The following SHISA9 variants were observed in gnomAD, a reference collection of about 807,000 sequenced individuals.
SHISA9 encodes shisa family member 9.
SHISA9 carries 13 observed loss-of-function variants against 38.0 expected under a neutral mutation model. The ratio of observed to expected loss-of-function variants is 0.34; its 90% CI spans 0.22 to 0.54. The LOEUF is 0.54. SHISA9 is among the 20% of genes least tolerant of loss of function. The pLI is 0.91. For synonymous variants in SHISA9, 275 were observed against 242.0 expected, an observed-to-expected ratio of 1.14 and a Z score of -1.27; for missense variants, 538 against 575.8, an observed-to-expected ratio of 0.93 and a Z score of 0.67.
chr16:13,465,660 G>T, the SHISA9 span, among the ~76,000 whole-genome samples: 1 of 152,312 alleles, frequency 6.6e-6, no homozygotes, highest in Non-Finnish European at 1.5e-5. Context: ...GCCTCAGAAA[G>T]CTGAGTCATT....
rs1038532777 is a variant in SHISA9 at position 13,239,366 on chromosome 16, T to C, written c.*3957T>C. On this transcript the variant is annotated 3_prime_UTR_variant, in exon 5 of 5. Transcript: ENST00000558583. ...GGTATATACCCAGTAATGGGATGGC[T>C]GGGTCAAATGGTATTTCTAGTTCTA... 3.4e-4 allele frequency: 51 copies of C among 151,346 alleles called. No individual in the cohort carries two copies. The highest frequency in any genetic ancestry group is 1.1e-3 in the African/African-American group (47 of 41,216). 9.4% of individuals were successfully genotyped at this position (151,346 alleles called of 1,614,324 possible).
intron 2 of SHISA9, among the ~76,000 whole-genome samples, chr16:13,153,637 C>T (rs1178312155): frequency 6.6e-6 from 1 of 152,144 alleles, no homozygotes; most frequent in Admixed American, 6.5e-5. Flanking sequence ...CAATTTCATC[C>T]CAGTACAAGC....
At chr16:13,181,760 T>G in intron 2 of SHISA9, among the ~76,000 whole-genome samples, 1 of 151,110 alleles carries the variant, frequency 6.6e-6, no homozygotes. Flanking sequence ...GAGGGGGTGA[T>G]GGAGATGGGG....
chr16:13,369,683 T>A, the SHISA9 span, among the ~76,000 whole-genome samples: 9 of 152,104 alleles, frequency 5.9e-5, no homozygotes, highest in Non-Finnish European at 1.0e-4. Context: ...ACCGCATGCA[T>A]TAAATAAAGA....
At chr16:13,507,192 TATATTA>T in the SHISA9 span, among the ~76,000 whole-genome samples, 1 of 151,822 alleles carries the variant, frequency 6.6e-6, no homozygotes, top group African/African-American at 2.4e-5. Flanking sequence ...TAATATTTTT[TATATTA>T]TTATTATTGT....
the SHISA9 span, among the ~76,000 whole-genome samples, chr16:13,375,788 G>A: frequency 6.6e-6 from 1 of 152,192 alleles, no homozygotes. Flanking sequence ...TAAGTGGAAA[G>A]CTATCCTGTA....
the SHISA9 span, among the ~76,000 whole-genome samples, chr16:13,531,993 C>A: frequency 6.6e-6 from 1 of 152,182 alleles, no homozygotes; most frequent in East Asian, 1.9e-4. Context: ...GAATGCCAAC[C>A]AAATCGGCAG....
At chr16:13,402,446 C>T in the SHISA9 span, among the ~76,000 whole-genome samples, 1 of 152,034 alleles carries the variant, frequency 6.6e-6, no homozygotes, top group Non-Finnish European at 1.5e-5. Flanking sequence ...CACCCTTCCT[C>T]CGCTTTTTTG....
At chr16:13,267,073 T>C in the SHISA9 span, among the ~76,000 whole-genome samples, 11 of 152,318 alleles carry the variant, frequency 7.2e-5, no homozygotes, top group East Asian at 1.5e-3. Context: ...AAATAAAAGA[T>C]GGATGTAGTT....
chr16:12,918,023 T>C (rs1044135383), intron 2 of SHISA9, among the ~76,000 whole-genome samples: 1 of 152,200 alleles, frequency 6.6e-6, no homozygotes, highest in Non-Finnish European at 1.5e-5. Context: ...GTAAAGTCAA[T>C]GTTTGCATGG....
chr16:12,977,275 T>A (rs761550858), intron 2 of SHISA9, among the ~76,000 whole-genome samples: 3 of 152,076 alleles, frequency 2.0e-5, no homozygotes, highest in Non-Finnish European at 4.4e-5. Context: ...AGGGAATTCA[T>A]GATAGGGGGA....
chr16:12,913,454 C>A (rs2071212859), intron 1 of SHISA9, among the ~76,000 whole-genome samples: 1 of 152,182 alleles, frequency 6.6e-6, no homozygotes, highest in Admixed American at 6.5e-5. Flanking sequence ...GTCTTGGCCT[C>A]CCAAAGTGCT....
the SHISA9 span, among the ~76,000 whole-genome samples, chr16:13,410,376 T>C: frequency 2.0e-5 from 3 of 152,228 alleles, no homozygotes; most frequent in African/African-American, 7.2e-5. Flanking sequence ...TTATATTTAG[T>C]CACCATCACC....
chr16:13,413,621 T>C, the SHISA9 span, among the ~76,000 whole-genome samples: 1 of 151,672 alleles, frequency 6.6e-6, no homozygotes, highest in Admixed American at 6.6e-5. Context: ...GCGGGCGTGG[T>C]GGTGGGTGCC....
chr16:13,107,056 C>T (rs955067301), intron 2 of SHISA9, among the ~76,000 whole-genome samples: 4 of 151,350 alleles, frequency 2.6e-5, no homozygotes, highest in South Asian at 2.1e-4. Flanking sequence ...AATTTTTATT[C>T]GACAAAGGGG....
intron 2 of SHISA9, among the ~76,000 whole-genome samples, chr16:13,117,597 G>T (rs1444446792): frequency 6.6e-6 from 1 of 152,160 alleles, no homozygotes; most frequent in East Asian, 1.9e-4. Context: ...ATGCAGAGAA[G>T]AAAACTGGAC....
At chr16:13,340,460 T>TA in the SHISA9 span, among the ~76,000 whole-genome samples, 17,737 of 152,176 alleles carry the variant, frequency 0.12, 1,374 homozygotes, top group Non-Finnish European at 0.18. Context: ...GAGTCCTCAG[T>TA]GGCCGTGTTC....
At chr16:13,331,135 G>A in the SHISA9 span, among the ~76,000 whole-genome samples, 9 of 152,164 alleles carry the variant, frequency 5.9e-5, no homozygotes, top group South Asian at 4.2e-4. Flanking sequence ...ACTTGAGAAC[G>A]GACCAGACAT....
chr16:13,325,302 A>G, the SHISA9 span, among the ~76,000 whole-genome samples: 1 of 152,192 alleles, frequency 6.6e-6, no homozygotes, highest in Non-Finnish European at 1.5e-5. Flanking sequence ...ATTTGATAAC[A>G]TATTGCTACA....
Sources: allele counts gnomAD v4.1 joint callset (sites outside exome capture counted in the v4.1 genomes callset), GRCh38; gene constraint gnomAD v4.1.1; transcripts MANE v1.5; gene names NCBI Gene and HGNC (gene_info 2026-07-23, HGNC 2026-07-21).